The following DEFA6 variants were observed in gnomAD, a reference collection of about 807,000 sequenced individuals.
The protein encoded by DEFA6 is defensin alpha 6, also known as defensin-6.
A neutral mutation model predicts 5.1 loss-of-function variants in DEFA6; 8 were observed. The ratio of observed to expected loss-of-function variants is 1.57; its 90% CI spans 0.92 to 2.83. DEFA6 has a LOEUF of 2.83. Ranked by LOEUF, DEFA6 falls within the 30% of genes most tolerant of loss-of-function variation. The pLI, the probability that DEFA6 is intolerant of heterozygous loss-of-function variation, is 0.00. For synonymous variants in DEFA6, 74 were observed against 45.3 expected, an observed-to-expected ratio of 1.63 and a Z score of -2.54; for missense variants, 191 against 119.1, an observed-to-expected ratio of 1.60 and a Z score of -2.81.
chr8:6,924,971 C>A, intron 1 of DEFA6, 44 bp from the exon 2 acceptor site: 1 of 1,296,002 alleles, frequency 7.7e-7, no homozygotes, highest in Non-Finnish European at 1.1e-6. Context: ...GCACCAGGGT[C>A]AGCAGCGGGC....
chr8:6,926,045 C>T lies in DEFA6; in HGVS notation c.-10G>A, dbSNP rs1214080371. On this transcript the variant is annotated 5_prime_UTR_variant, in exon 1 of 2. Transcript: ENST00000297436. ...TGGTGAGGGTTCTCATGGCTAGGGT[C>T]GCTGGAGGAGAGAGAGCAGGAGCAG... is the stretch of plus-strand genomic sequence containing the variant. 5.6e-6 allele frequency: 9 copies of T among 1,600,654 alleles called. No homozygotes were observed. The highest frequency in any genetic ancestry group is 4.5e-5 in the East Asian group (2 of 44,470).
rs755815109 is a variant in DEFA6 at position 6,925,862 on chromosome 8, G to C, written c.174C>G (p.Ser58Arg). The C allele has an allele frequency of 3.1e-6, 5 of 1,613,428 alleles. No individual in the cohort carries two copies. In the Admixed American group the frequency reaches 8.3e-5, roughly 27 times the overall value. ...TCTTACCCAAAGCTCTAAGACTTGA[G>C]CTTGCATCCTCTGCAAAGGAGACGG... Reference protein sequence around the residue: ...DFAVSFAEDASSSLRALGSTR... With the variant: ...DFAVSFAEDARSSLRALGSTR... The change falls in exon 1 of 2, where the codon AGC (serine) becomes AGG (arginine). Residue 58 changes from serine to arginine, a missense_variant. Physicochemically the swap from Ser to Arg is moderately radical, Grantham distance 110. Transcript: ENST00000297436.
chr8:6,925,048 A>G, intron 1 of DEFA6, 121 bp from the exon 2 acceptor site: 2 of 631,380 alleles, frequency 3.2e-6, no homozygotes, highest in South Asian at 1.9e-5. Flanking sequence ...TACAGCCAAT[A>G]GCATGATCAC....
intron 1 of DEFA6, among the ~76,000 whole-genome samples, 154 bp from the exon 2 acceptor site, chr8:6,925,081 C>A (rs1808382479): frequency 6.6e-6 from 1 of 152,172 alleles, no homozygotes; most frequent in Non-Finnish European, 1.5e-5. Flanking sequence ...AATAAATACG[C>A]AGAGCAGTGT....
At chr8:6,925,513 C>A (rs893660974) in intron 1 of DEFA6, among the ~76,000 whole-genome samples, 2 of 152,166 alleles carry the variant, frequency 1.3e-5, no homozygotes, top group South Asian at 2.1e-4. Context: ...GGTGACAGAG[C>A]GAGACTCCAT....
chr8:6,926,059 G>C lies in DEFA6; in HGVS notation c.-24C>G, dbSNP rs781256397. The C allele has an allele frequency of 1.9e-6, 3 of 1,583,936 alleles. No homozygotes were observed. The highest frequency in any genetic ancestry group is 3.6e-5 in the Admixed American group (2 of 55,796). On this transcript the variant is annotated 5_prime_UTR_variant, in exon 1 of 2. Transcript: ENST00000297436. ...ATGGCTAGGGTCGCTGGAGGAGAGA[G>C]AGCAGGAGCAGATGTGTGGGGAGTG...
intron 1 of DEFA6, 91 bp downstream of exon 1, chr8:6,925,752 C>A (rs1808408809): frequency 8.5e-7 from 1 of 1,181,744 alleles, no homozygotes; most frequent in Non-Finnish European, 1.2e-6. Flanking sequence ...AGGTGATCAC[C>A]TAAGAGAAAG....
chr8:6,925,787 G>A (rs1808413731), intron 1 of DEFA6, 56 bp downstream of exon 1: 2 of 1,480,298 alleles, frequency 1.4e-6, no homozygotes, highest in Non-Finnish European at 1.8e-6. Context: ...TCTAATTCTA[G>A]AAGTGCTTGG....
Position 6,926,044 on chromosome 8 carries a change from T to A in DEFA6, c.-9A>T. The A allele has an allele frequency of 6.2e-7, 1 of 1,601,822 alleles. No homozygotes were observed. The highest frequency in any genetic ancestry group is 8.5e-7 in the Non-Finnish European group (1 of 1,174,958). On this transcript the variant is annotated 5_prime_UTR_variant, in exon 1 of 2. Coordinates refer to ENST00000297436, the MANE Select transcript of DEFA6 (RefSeq NM_001926.4). Reference sequence around the variant, plus strand: ...ATGGTGAGGGTTCTCATGGCTAGGGTCGCTGGAGGAGAGAGAGCAGGAGCA... The same window carrying A: ...ATGGTGAGGGTTCTCATGGCTAGGGACGCTGGAGGAGAGAGAGCAGGAGCA...
chr8:6,924,855 G>A lies in DEFA6; in HGVS notation c.266C>T (p.Thr89Ile). Residue 89 changes from threonine to isoleucine, a missense_variant, in exon 2 of 2, where the codon ACT becomes ATT. Thr to Ile is a moderately conservative substitution (Grantham distance 89, BLOSUM62 -1). Coordinates refer to ENST00000297436, the MANE Select transcript of DEFA6 (RefSeq NM_001926.4). ...YSTEYSYGTC[T>I]VMGINHRFCC... ...GAATCTGTGGTTAATACCCATGACA[G>A]TGCAGGTCCCATAGGAATATTCTGT... 1 of 1,611,694 alleles carries A rather than the reference G, an allele frequency of 6.2e-7. No homozygotes were observed.
At chr8:6,925,073 T>G (rs1808382126) in intron 1 of DEFA6, 146 bp from the exon 2 acceptor site, 1 of 596,926 alleles carries the variant, frequency 1.7e-6, no homozygotes, top group Non-Finnish European at 3.0e-6. Flanking sequence ...TCAATAGGAA[T>G]AAATACGCAG....
Position 6,924,925 on chromosome 8 carries a change from A to T in DEFA6, c.196T>A (p.Ser66Thr), listed in dbSNP as rs757073410. The change falls in exon 2 of 2, where the codon TCA (serine) becomes ACA (threonine). Residue 66 changes from serine (S) to threonine (T), a missense_variant and splice_region_variant. Transcript: ENST00000297436. ...DASSSLRALGSTRAFTCHCRR... is the reference protein window; with the variant it reads ...DASSSLRALGTTRAFTCHCRR... Reference sequence around the variant, plus strand: ...CAATGGCAAGTGAAAGCCCTTGTTGAGCCTGGGGACAGAGAGAGAGAGCAT... The same window carrying T: ...CAATGGCAAGTGAAAGCCCTTGTTGTGCCTGGGGACAGAGAGAGAGAGCAT... 28 of 1,603,548 alleles carry T rather than the reference A, an allele frequency of 1.7e-5. No individual in the cohort carries two copies. The highest frequency in any genetic ancestry group is 1.4e-5 in the Non-Finnish European group (16 of 1,171,582).
At chr8:6,925,558 C>G (rs191600609) in intron 1 of DEFA6, among the ~76,000 whole-genome samples, 1 of 152,246 alleles carries the variant, frequency 6.6e-6, no homozygotes, top group Non-Finnish European at 1.5e-5. Flanking sequence ...CAAAACAAAA[C>G]ATTCCTTTAA....
Position 6,926,066 on chromosome 8 carries a change from A to C in DEFA6, c.-31T>G. 6.4e-7 allele frequency: 1 copy of C among 1,573,994 alleles called. No individual in the cohort carries two copies. Among genetic ancestry groups the C allele is most frequent in the Non-Finnish European group, 8.6e-7 (1 of 1,161,090 alleles). The stretch of plus-strand genomic sequence containing the variant: ...GGGTCGCTGGAGGAGAGAGAGCAGG[A>C]GCAGATGTGTGGGGAGTGAGGAGCC... On this transcript the variant is annotated 5_prime_UTR_variant, in exon 1 of 2. Transcript: ENST00000297436.
At chr8:6,925,437 G>A (rs12547871) in intron 1 of DEFA6, among the ~76,000 whole-genome samples, 1,767 of 152,218 alleles carry the variant, frequency 0.012, 19 homozygotes, top group Non-Finnish European at 0.019. Context: ...CTGAGGGAGA[G>A]AATTGCGTGA....
rs553305552 is a variant in DEFA6 at position 6,926,041 on chromosome 8, G to C, written c.-6C>G. On this transcript the variant is annotated 5_prime_UTR_variant, in exon 1 of 2. Transcript: ENST00000297436. ...AGGATGGTGAGGGTTCTCATGGCTA[G>C]GGTCGCTGGAGGAGAGAGAGCAGGA... is the stretch of plus-strand genomic sequence containing the variant. The C allele has an allele frequency of 1.1e-4, 183 of 1,604,066 alleles. No individual in the cohort carries two copies. The South Asian group carries it at 1.8e-3, about 16-fold the overall frequency.
chr8:6,925,837 T>C lies in DEFA6; in HGVS notation c.193+6A>G. The C allele has an allele frequency of 1.2e-6, 2 of 1,607,770 alleles. No individual in the cohort carries two copies. The highest frequency in any genetic ancestry group is 1.7e-6 in the Non-Finnish European group (2 of 1,177,204). On this transcript the variant is annotated splice_donor_region_variant and intron_variant, in intron 1 of 1. Transcript: ENST00000297436. Reference sequence around the variant, plus strand: ...CTCCTAGCTCTGCAATGCTGGTGTCTCTTACCCAAAGCTCTAAGACTTGAG... The same window carrying C: ...CTCCTAGCTCTGCAATGCTGGTGTCCCTTACCCAAAGCTCTAAGACTTGAG...
intron 1 of DEFA6, 120 bp from the exon 2 acceptor site, chr8:6,925,047 T>G: frequency 1.6e-6 from 1 of 631,532 alleles, no homozygotes; most frequent in Non-Finnish European, 2.9e-6. Flanking sequence ...TTACAGCCAA[T>G]AGCATGATCA....
chr8:6,925,791 T>G, intron 1 of DEFA6, 52 bp downstream of exon 1: 1 of 1,493,918 alleles, frequency 6.7e-7, no homozygotes, highest in East Asian at 2.3e-5. Context: ...ATTCTAGAAG[T>G]GCTTGGTTTT....
Sources: gnomAD v4.1 joint callset for allele counts (sites outside exome capture counted in the v4.1 genomes callset) on GRCh38, gnomAD v4.1.1 for gene constraint, MANE v1.5 for transcripts, NCBI Gene and HGNC (gene_info 2026-07-23, HGNC 2026-07-21) for gene names.